The following ARHGEF37 variants were observed in gnomAD, a reference collection of about 807,000 sequenced individuals.
The protein encoded by ARHGEF37 is Rho guanine nucleotide exchange factor (GEF) 37.
ARHGEF37 carries 55 observed loss-of-function variants against 71.1 expected under a neutral mutation model. That is an observed-to-expected ratio of 0.77 (90% CI 0.62 to 0.97). The LOEUF is 0.97. Among genes scored for constraint, ARHGEF37 ranks in the 50% least tolerant of loss-of-function variants. The probability of loss-of-function intolerance (pLI) is 0.00; values close to 1 mark genes in which losing one functional copy is unlikely to be tolerated. For synonymous variants in ARHGEF37, 327 were observed against 350.6 expected (o/e 0.93, Z 0.75); for missense variants, 765 against 836.8 (o/e 0.91, Z 1.06).
chr5:149,632,177 A>C lies in ARHGEF37; in HGVS notation c.2014A>C (p.Ser672Arg). ...TCGGAGCCCAGTTCTGTGGGGCTGG[A>C]GTCTGCCCTCTTAGGGTACCCTCTT... Reference protein sequence around the residue: ...RARSPVLWGWSLPS With the variant: ...RARSPVLWGWRLPS The change falls in exon 13 of 13, where the codon AGT becomes CGT. Residue 672 changes from serine to arginine, a missense_variant. Around this residue, in one of 5 missense-constraint regions of ARHGEF37, gnomAD observed 390 missense variants for 407.4 expected, o/e 0.96. Coordinates refer to ENST00000333677, the MANE Select transcript of ARHGEF37 (RefSeq NM_001001669.3). 1 of 1,614,104 alleles carries C rather than the reference A, an allele frequency of 6.2e-7. No homozygotes were observed. The highest frequency in any genetic ancestry group is 8.5e-7 in the Non-Finnish European group (1 of 1,180,010).
chr5:149,586,883 C>G (rs1259892006), intron 1 of ARHGEF37, among the ~76,000 whole-genome samples: 2 of 152,116 alleles, frequency 1.3e-5, no homozygotes, highest in East Asian at 1.9e-4. Flanking sequence ...CCTTCCTGGT[C>G]CAGATACACT....
At chr5:149,621,602 A>G in intron 8 of ARHGEF37, 131 bp from the exon 9 acceptor site, 1 of 823,484 alleles carries the variant, frequency 1.2e-6, no homozygotes, top group South Asian at 1.7e-5. Context: ...GTTAGATAAC[A>G]TGCTAAAGGT....
intron 10 of ARHGEF37, among the ~76,000 whole-genome samples, chr5:149,625,135 T>C (rs10476914): frequency 0.73 from 111,251 of 151,934 alleles, 41,018 homozygotes; most frequent in Middle Eastern, 0.89. Flanking sequence ...TGCCCTCTGA[T>C]CTCAAGTGAT....
intron 10 of ARHGEF37, 156 bp from the exon 11 acceptor site, chr5:149,626,920 G>C (rs1028517117): frequency 6.8e-6 from 4 of 589,970 alleles, no homozygotes; most frequent in Non-Finnish European, 1.1e-5. Context: ...CCATCTGCTA[G>C]TGAGGGCCCT....
At chr5:149,607,734 G>A (rs1763953396) in intron 3 of ARHGEF37, among the ~76,000 whole-genome samples, 1 of 151,554 alleles carries the variant, frequency 6.6e-6, no homozygotes, top group Non-Finnish European at 1.5e-5. Context: ...CTCAACGGTG[G>A]GGAGAATTAT....
intron 4 of ARHGEF37, among the ~76,000 whole-genome samples, chr5:149,615,032 A>G (rs572347952): frequency 1.3e-5 from 2 of 152,224 alleles, no homozygotes; most frequent in Admixed American, 6.5e-5. Context: ...CCCGGATGCT[A>G]TTGACTTGGG....
At chr5:149,626,734 A>C (rs946788374) in intron 10 of ARHGEF37, among the ~76,000 whole-genome samples, 2 of 152,254 alleles carry the variant, frequency 1.3e-5, no homozygotes, top group Non-Finnish European at 2.9e-5. Flanking sequence ...AATGGAATTG[A>C]AAGACCTGTC....
chr5:149,586,698 A>G (rs909510025), intron 1 of ARHGEF37, among the ~76,000 whole-genome samples: 1 of 152,272 alleles, frequency 6.6e-6, no homozygotes, highest in Admixed American at 6.5e-5. Context: ...AAATTAGTAG[A>G]TATCTTTAAT....
intron 1 of ARHGEF37, among the ~76,000 whole-genome samples, chr5:149,571,905 C>CA (rs150393350): frequency 0.099 from 7,689 of 77,428 alleles, 994 homozygotes; most frequent in East Asian, 0.29. Flanking sequence ...GACCCTGTCT[C>CA]AAAAAAAAAA....
intron 3 of ARHGEF37, among the ~76,000 whole-genome samples, chr5:149,602,207 C>T (rs1763778725): frequency 6.6e-6 from 1 of 151,968 alleles, no homozygotes; most frequent in African/African-American, 2.4e-5. Context: ...CAAGCGTGCG[C>T]CACCATGCCT....
At chr5:149,623,611 A>T (rs1276270690) in intron 9 of ARHGEF37, among the ~76,000 whole-genome samples, 1 of 152,160 alleles carries the variant, frequency 6.6e-6, no homozygotes, top group African/African-American at 2.4e-5. Flanking sequence ...GCAGAAAGTA[A>T]GGGCGCTTCC....
At chr5:149,611,677 CA>C (rs1297706801) in intron 4 of ARHGEF37, among the ~76,000 whole-genome samples, 2 of 152,204 alleles carry the variant, frequency 1.3e-5, no homozygotes, top group Non-Finnish European at 2.9e-5. Context: ...CCGCATGGGG[CA>C]TTGATTCATT....
chr5:149,554,147 A>G (rs1762720759), intron 1 of ARHGEF37, among the ~76,000 whole-genome samples: 1 of 152,024 alleles, frequency 6.6e-6, no homozygotes, highest in South Asian at 2.1e-4. Flanking sequence ...CGGCCTGGGC[A>G]AGAGAGTGAG....
At position 149,600,469 on chromosome 5, in the gene ARHGEF37, G is replaced by A. The variant is rs539886968; in HGVS notation, c.187-639G>A. 9.9e-5 allele frequency among the ~76,000 whole-genome samples: 15 copies of A among 152,208 alleles called. No homozygotes were observed. In the South Asian group the frequency reaches 3.1e-3, roughly 32 times the overall value. On this transcript the variant is annotated intron_variant, in intron 2 of 12. Coordinates refer to ENST00000333677, the MANE Select transcript of ARHGEF37 (RefSeq NM_001001669.3). The stretch of plus-strand genomic sequence containing the variant: ...ATGCATCTTGAGGTCATGGTGGTAG[G>A]TGCCAAGTATGTCAGAGGTGGAAAG...
Position 149,625,795 on chromosome 5 carries a change from C to T in ARHGEF37, c.1465-1281C>T, listed in dbSNP as rs927700383. ...CACACACACAAACCTCCTGCACATT[C>T]CTGATGTATTTGGCTGAGGGTATAG... On this transcript the variant is annotated intron_variant, in intron 10 of 12. Coordinates refer to ENST00000333677, the MANE Select transcript of ARHGEF37 (RefSeq NM_001001669.3). 2.7e-5 allele frequency among the ~76,000 whole-genome samples: 4 copies of T among 148,362 alleles called. No individual in the cohort carries two copies. The South Asian group carries it at 6.7e-4, about 25-fold the overall frequency.
intron 9 of ARHGEF37, among the ~76,000 whole-genome samples, chr5:149,623,101 A>G (rs1332809459): frequency 6.6e-6 from 1 of 151,980 alleles, no homozygotes; most frequent in East Asian, 1.9e-4. Context: ...GCCCCTCTCC[A>G]TTGTCCCTGA....
rs75684240 is a variant in ARHGEF37, at chr5:149,601,253, T to C, written c.310+22T>C. 8.0e-4 allele frequency: 1,277 copies of C among 1,603,180 alleles called. 13 individuals are homozygous for C. The African/African-American group carries it at 0.015, about 19-fold the overall frequency. ...GTTGGTAAGCAAAAAACCTAAGGAG[T>C]TGTCAGCCTTAGATTCTCATGGAAC... On this transcript the variant is annotated intron_variant, in intron 3 of 12. Transcript: ENST00000333677.
intron 2 of ARHGEF37, among the ~76,000 whole-genome samples, chr5:149,598,265 CTTCTTCTTCTT>C (rs1166930275): frequency 1.8e-4 from 18 of 98,574 alleles, no homozygotes; most frequent in African/African-American, 8.6e-4. Context: ...TAAACTGACT[CTTCTTCTTCTT>C]CTTCTTCTTC....
At chr5:149,570,558 A>G (rs1762950893) in intron 1 of ARHGEF37, among the ~76,000 whole-genome samples, 1 of 147,840 alleles carries the variant, frequency 6.8e-6, no homozygotes, top group Admixed American at 6.8e-5. Context: ...CCTGGACAAC[A>G]AGTGCGAAAC....
Sources: allele counts gnomAD v4.1 joint callset (sites outside exome capture counted in the v4.1 genomes callset), GRCh38; gene constraint gnomAD v4.1.1; regional missense constraint gnomAD v4.1.1; transcripts MANE v1.5; gene names NCBI Gene and HGNC (gene_info 2026-07-23, HGNC 2026-07-21).